LRRC4C: variants seen among roughly 807,000 people sequenced by gnomAD.
LRRC4C encodes leucine-rich repeat-containing protein 4C.
In LRRC4C, 5 loss-of-function variants were observed where a neutral mutation model predicts 33.6. The observed-to-expected ratio is 0.15, with a 90% CI of 0.08 to 0.31. The LOEUF (loss-of-function observed/expected upper bound fraction) is 0.31. Among genes scored for constraint, LRRC4C ranks in the 10% least tolerant of loss-of-function variants. The pLI is 1.00. For synonymous variants in LRRC4C, 329 were observed against 302.0 expected (o/e 1.09, Z -0.93); for missense variants, 560 against 796.7 (o/e 0.70, Z 3.58).
intron 6 of LRRC4C, among the ~76,000 whole-genome samples, chr11:40,122,986 C>CACACAT (rs746283980): frequency 8.1e-4 from 82 of 100,800 alleles, no homozygotes; most frequent in African/African-American, 3.4e-3. Context: ...CACACACACA[C>CACACAT]ATATATACTA....
chr11:40,653,035 T>C (rs1170710794), intron 2 of LRRC4C, among the ~76,000 whole-genome samples: 1 of 152,184 alleles, frequency 6.6e-6, no homozygotes, highest in Non-Finnish European at 1.5e-5. Context: ...TCTGCCATGA[T>C]TGTAAGTGTC....
intron 3 of LRRC4C, among the ~76,000 whole-genome samples, chr11:40,485,182 T>A (rs1000868636): frequency 2.0e-5 from 3 of 151,906 alleles, no homozygotes; most frequent in African/African-American, 7.3e-5. Flanking sequence ...TTTGATATAA[T>A]TTGAACATAA....
At chr11:41,033,202 A>G (rs543937693) in intron 1 of LRRC4C, among the ~76,000 whole-genome samples, 2 of 152,158 alleles carry the variant, frequency 1.3e-5, no homozygotes, top group South Asian at 4.1e-4. Flanking sequence ...TCCTGAAGTC[A>G]TTTCAGAATT....
At chr11:41,108,548 G>A (rs931554748) in intron 1 of LRRC4C, among the ~76,000 whole-genome samples, 1 of 151,976 alleles carries the variant, frequency 6.6e-6, no homozygotes, top group African/African-American at 2.4e-5. Flanking sequence ...TTTAAGAAAG[G>A]CCCAGATCGC....
chr11:41,403,740 G>A (rs989495020), intron 1 of LRRC4C, among the ~76,000 whole-genome samples: 2 of 151,978 alleles, frequency 1.3e-5, no homozygotes, highest in Non-Finnish European at 2.9e-5. Context: ...GCTGATTTTT[G>A]TCTTCTCTCC....
At chr11:40,703,925 G>T (rs1946013113) in intron 2 of LRRC4C, among the ~76,000 whole-genome samples, 1 of 152,042 alleles carries the variant, frequency 6.6e-6, no homozygotes, top group Admixed American at 6.6e-5. Context: ...GTCATTAAAA[G>T]AATAATTGCA....
chr11:41,361,360 G>A (rs923731980), intron 1 of LRRC4C, among the ~76,000 whole-genome samples: 1 of 151,890 alleles, frequency 6.6e-6, no homozygotes, highest in Non-Finnish European at 1.5e-5. Context: ...ATATATTTTC[G>A]GTACTCTCTT....
Position 40,349,114 on chromosome 11 carries a change from C to T in LRRC4C, c.-269-29393G>A, listed in dbSNP as rs60708014. 7.0e-3 allele frequency among the ~76,000 whole-genome samples: 1,072 copies of T among 152,080 alleles called. 14 individuals carry two copies. Among genetic ancestry groups the T allele is most frequent in the African/African-American group, 0.024 (1,012 of 41,502 alleles). On this transcript the variant is annotated intron_variant, in intron 3 of 6. Transcript: ENST00000528697. Reference sequence around the variant, plus strand: ...TATACTCTTTTAGCTATTTTAAAACCTACAATAAATTAATGTCATCCTGTT... The same window carrying T: ...TATACTCTTTTAGCTATTTTAAAACTTACAATAAATTAATGTCATCCTGTT...
At chr11:40,442,461 C>A (rs901290600) in intron 3 of LRRC4C, among the ~76,000 whole-genome samples, 2 of 151,986 alleles carry the variant, frequency 1.3e-5, no homozygotes, top group Non-Finnish European at 2.9e-5. Context: ...GAGAGATAGA[C>A]CAATATATAA....
chr11:40,449,716 G>C (rs1951803068), intron 3 of LRRC4C, among the ~76,000 whole-genome samples: 1 of 152,178 alleles, frequency 6.6e-6, no homozygotes, highest in African/African-American at 2.4e-5. Flanking sequence ...GTGTGACTTT[G>C]ATGGTTTTAT....
At chr11:40,206,930 G>A (rs1219678616) in intron 5 of LRRC4C, among the ~76,000 whole-genome samples, 3 of 152,038 alleles carry the variant, frequency 2.0e-5, no homozygotes, top group Non-Finnish European at 4.4e-5. Flanking sequence ...AAACCTGGGG[G>A]AAGGGGACAC....
chr11:41,000,214 T>G (rs986673547), intron 1 of LRRC4C, among the ~76,000 whole-genome samples: 2 of 152,158 alleles, frequency 1.3e-5, no homozygotes, highest in Non-Finnish European at 2.9e-5. Context: ...GGGGCTTGAG[T>G]TCCAGGAATA....
At chr11:40,881,509 T>C (rs1269649416) in intron 2 of LRRC4C, among the ~76,000 whole-genome samples, 1 of 152,060 alleles carries the variant, frequency 6.6e-6, no homozygotes, top group Non-Finnish European at 1.5e-5. Context: ...TAAAAGTAGG[T>C]GTGGGGTTAT....
chr11:40,314,106 T>G (rs1945461521), intron 4 of LRRC4C, among the ~76,000 whole-genome samples: 1 of 151,924 alleles, frequency 6.6e-6, no homozygotes, highest in African/African-American at 2.4e-5. Flanking sequence ...ACTATTTACC[T>G]GACAGAGGAT....
At chr11:41,445,590 G>A (rs2138584730) in intron 1 of LRRC4C, among the ~76,000 whole-genome samples, 1 of 152,000 alleles carries the variant, frequency 6.6e-6, no homozygotes, top group African/African-American at 2.4e-5. Context: ...TTCCCAGAAG[G>A]GTAAATCAGA....
chr11:40,548,159 T>C (rs996678426), intron 3 of LRRC4C, among the ~76,000 whole-genome samples: 2 of 151,704 alleles, frequency 1.3e-5, no homozygotes, highest in Admixed American at 6.6e-5. Context: ...CTGAAGAAAA[T>C]AAAAATCGGA....
intron 1 of LRRC4C, among the ~76,000 whole-genome samples, chr11:41,259,820 T>C (rs1470522606): frequency 6.6e-6 from 1 of 151,172 alleles, no homozygotes; most frequent in Admixed American, 6.6e-5. Flanking sequence ...TCTTTGGTGG[T>C]TTTTTTTTAA....
intron 4 of LRRC4C, chr11:40,293,095 C>G (rs1046895387): frequency 6.6e-5 from 10 of 152,334 alleles, no homozygotes; most frequent in African/African-American, 2.4e-4. Flanking sequence ...TTTCAGCCAC[C>G]CGGCCAGCCA....
Position 40,745,518 on chromosome 11 carries a change from G to A in LRRC4C, c.-406-97240C>T, listed in dbSNP as rs977163382. ...GTAATAAGGGCTAGATTTAAATAAC[G>A]ACTGAATTAGCATAAAACAACTTCT... On this transcript the variant is annotated intron_variant, in intron 2 of 6. Transcript: ENST00000528697. 7.2e-5 allele frequency among the ~76,000 whole-genome samples: 11 copies of A among 152,020 alleles called. No individual in the cohort carries two copies. The East Asian group carries it at 1.2e-3, about 16-fold the overall frequency.
Sources: gnomAD v4.1 joint callset for allele counts (sites outside exome capture counted in the v4.1 genomes callset) on GRCh38, gnomAD v4.1.1 for gene constraint, MANE v1.5 for transcripts, NCBI Gene and HGNC (gene_info 2026-07-23, HGNC 2026-07-21) for gene names.